The following FOCAD variants were observed in gnomAD, a reference collection of about 807,000 sequenced individuals.
FOCAD encodes KIAA1797.
Under a neutral mutation model 225.6 loss-of-function variants are expected in FOCAD, and 198 were observed. The observed-to-expected ratio is 0.88, with a 90% CI of 0.78 to 0.99. The LOEUF is 0.99. FOCAD is among the 50% of genes least tolerant of loss of function. FOCAD has a pLI of 0.00. For synonymous variants in FOCAD, 897 were observed against 755.0 expected, an observed-to-expected ratio of 1.19 and a Z score of -3.08; for missense variants, 2,713 against 2,123.6, an observed-to-expected ratio of 1.28 and a Z score of -5.46.
Position 20,981,677 on chromosome 9 carries a change from T to C in FOCAD, c.4629T>C (p.Asn1543=), listed in dbSNP as rs1389350175. The C allele has an allele frequency of 6.2e-7, 1 of 1,608,294 alleles. No homozygotes were observed. Among genetic ancestry groups the C allele is most frequent in the Non-Finnish European group, 8.5e-7 (1 of 1,177,676 alleles). Residue 1543 remains asparagine (N), a synonymous_variant, in exon 38 of 44, where the codon AAT becomes AAC. Coordinates refer to ENST00000338382, the MANE Select transcript of FOCAD (RefSeq NM_001375567.1). The part of the protein sequence containing the change: ...ATGKIFDLLP[N]KIRRKDLELY... ...GGAAAATTTTTGACCTCCTGCCAAA[T>C]AAGATTCGGGTGAGGAACAAAAATA...
chr9:20,672,767 T>C (rs901429601), intron 2 of FOCAD, among the ~76,000 whole-genome samples: 2 of 152,212 alleles, frequency 1.3e-5, no homozygotes, highest in African/African-American at 4.8e-5. Flanking sequence ...AAATTATTTT[T>C]AAAAATAACC....
intron 15 of FOCAD, among the ~76,000 whole-genome samples, chr9:20,842,785 T>G (rs1328856423): frequency 6.6e-6 from 1 of 151,928 alleles, no homozygotes; most frequent in African/African-American, 2.4e-5. Flanking sequence ...TGTTTTGTGG[T>G]CTTCTCTACC....
At chr9:20,853,159 A>T (rs892035504) in intron 15 of FOCAD, among the ~76,000 whole-genome samples, 1 of 151,826 alleles carries the variant, frequency 6.6e-6, no homozygotes, top group Non-Finnish European at 1.5e-5. Context: ...TGAAAAGTGA[A>T]TGTCCCTATA....
At chr9:20,805,189 G>C (rs1250206478) in intron 11 of FOCAD, among the ~76,000 whole-genome samples, 1 of 152,174 alleles carries the variant, frequency 6.6e-6, no homozygotes, top group East Asian at 1.9e-4. Flanking sequence ...AAGGGTCTTT[G>C]AATGCATGTA....
chr9:20,707,147 C>A (rs1287966315), intron 1 of FOCAD, among the ~76,000 whole-genome samples: 1 of 152,174 alleles, frequency 6.6e-6, no homozygotes, highest in Non-Finnish European at 1.5e-5. Context: ...GCAGTCTCTT[C>A]CACATCATAT....
At position 20,866,917 on chromosome 9, in the gene FOCAD, T is replaced by TTTTTAAC; in HGVS notation, c.2107-12_2107-11insTTTTAAC. Reference sequence around the variant, plus strand: ...TTTTTTTTTTTTTTTTTTTTTTTTTTACCCTATCTAGGACCCAATTGTAGC... The same window carrying TTTTTAAC: ...TTTTTTTTTTTTTTTTTTTTTTTTTTTTTTAACACCCTATCTAGGACCCAATTGTAGC... On this transcript the variant is annotated splice_polypyrimidine_tract_variant and intron_variant, in intron 17 of 43. Transcript: ENST00000338382. The TTTTTAAC allele has an allele frequency of 2.6e-6, 2 of 764,972 alleles. No homozygotes were observed. Among genetic ancestry groups the TTTTTAAC allele is most frequent in the Non-Finnish European group, 2.0e-6 (1 of 498,468 alleles). 47.4% of individuals were successfully genotyped at this position (764,972 alleles called of 1,614,324 possible).
intron 10 of FOCAD, among the ~76,000 whole-genome samples, chr9:20,786,139 C>T (rs887996926): frequency 1.3e-5 from 2 of 152,082 alleles, no homozygotes; most frequent in Admixed American, 6.6e-5. Flanking sequence ...ATCCTGTTAC[C>T]TGCACTTTCA....
intron 11 of FOCAD, 60 bp from the exon 12 acceptor site, chr9:20,819,736 C>T: frequency 1.2e-6 from 1 of 826,178 alleles, no homozygotes; most frequent in Non-Finnish European, 1.8e-6. Flanking sequence ...ATAAATATTC[C>T]ATTATATATT....
intron 8 of FOCAD, among the ~76,000 whole-genome samples, chr9:20,773,608 A>G (rs1461500287): frequency 4.6e-5 from 7 of 152,214 alleles, no homozygotes; most frequent in Non-Finnish European, 4.4e-5. Flanking sequence ...TCCCCTGACT[A>G]TTCAGACTTC....
intron 14 of FOCAD, 137 bp from the exon 15 acceptor site, chr9:20,822,852 G>C: frequency 4.9e-6 from 3 of 617,920 alleles, no homozygotes; most frequent in Non-Finnish European, 7.3e-6. Flanking sequence ...AAAAAACATG[G>C]TGTTAATATT....
At chr9:20,795,492 C>A (rs558099085) in intron 11 of FOCAD, among the ~76,000 whole-genome samples, 3 of 152,170 alleles carry the variant, frequency 2.0e-5, no homozygotes, top group South Asian at 2.1e-4. Flanking sequence ...TAAGAAGACA[C>A]AGCATGTTTT....
chr9:20,967,824 G>A (rs7021253), intron 35 of FOCAD, among the ~76,000 whole-genome samples: 3 of 151,730 alleles, frequency 2.0e-5, no homozygotes, highest in Non-Finnish European at 2.9e-5. Context: ...GGGATAAATC[G>A]TGTTTGATCA....
intron 15 of FOCAD, among the ~76,000 whole-genome samples, chr9:20,853,946 G>T (rs1204695468): frequency 1.3e-5 from 2 of 151,626 alleles, no homozygotes; most frequent in African/African-American, 4.8e-5. Flanking sequence ...TCCCGTTATT[G>T]TGTTTTGGTA....
At chr9:20,980,951 ACTT>A (rs1424071826) in intron 37 of FOCAD, among the ~76,000 whole-genome samples, 3 of 152,106 alleles carry the variant, frequency 2.0e-5, no homozygotes, top group Non-Finnish European at 4.4e-5. Flanking sequence ...CCAGCATGTC[ACTT>A]CTCCTTATTA....
intron 35 of FOCAD, among the ~76,000 whole-genome samples, chr9:20,971,716 A>C (rs1839783654): frequency 6.6e-6 from 1 of 152,180 alleles, no homozygotes; most frequent in Admixed American, 6.5e-5. Flanking sequence ...TTCAGAACTT[A>C]GAAAACTGAA....
intron 18 of FOCAD, among the ~76,000 whole-genome samples, chr9:20,872,129 A>G (rs1228834695): frequency 6.6e-6 from 1 of 152,140 alleles, no homozygotes; most frequent in African/African-American, 2.4e-5. Flanking sequence ...CTTTGCTAAA[A>G]TTTATGCACA....
chr9:20,771,837 G>C (rs188324796), intron 8 of FOCAD, among the ~76,000 whole-genome samples: 9 of 152,300 alleles, frequency 5.9e-5, no homozygotes, highest in African/African-American at 2.2e-4. Context: ...GGCTGATTCT[G>C]TTCTTGATGA....
At chr9:20,973,313 C>T (rs1191274575) in intron 35 of FOCAD, among the ~76,000 whole-genome samples, 1 of 150,956 alleles carries the variant, frequency 6.6e-6, no homozygotes, top group Admixed American at 6.6e-5. Context: ...CCCTGTTCTG[C>T]TTCCGTCTTC....
At chr9:20,933,863 C>T (rs1587653791) in intron 28 of FOCAD, among the ~76,000 whole-genome samples, 2 of 152,148 alleles carry the variant, frequency 1.3e-5, no homozygotes, top group African/African-American at 4.8e-5. Context: ...TTCACCGCGT[C>T]CACACCAACA....
Sources: allele counts gnomAD v4.1 joint callset (sites outside exome capture counted in the v4.1 genomes callset), GRCh38; gene constraint gnomAD v4.1.1; transcripts MANE v1.5; gene names NCBI Gene and HGNC (gene_info 2026-07-23, HGNC 2026-07-21).